The following ATP13A2 variants were observed in gnomAD, a reference collection of about 807,000 sequenced individuals.
ATP13A2 encodes the protein ATPase cation transporting 13A2.
Under a neutral mutation model 138.3 loss-of-function variants are expected in ATP13A2, and 83 were observed. The ratio of observed to expected loss-of-function variants is 0.60; its 90% CI spans 0.50 to 0.72. The LOEUF is 0.72. Ranked by LOEUF, ATP13A2 falls within the 30% of genes least tolerant of loss-of-function variation. ATP13A2 has a pLI of 0.00. For synonymous variants in ATP13A2, 663 were observed against 699.0 expected (o/e 0.95, Z 0.81); for missense variants, 1,402 against 1,606.4 (o/e 0.87, Z 2.17).
rs369704217 is a variant in ATP13A2 at position 17,004,299 on chromosome 1, G to A, written c.557+33C>T. 1.9e-6 allele frequency: 3 copies of A among 1,605,694 alleles called. No individual in the cohort carries two copies. Among genetic ancestry groups the A allele is most frequent in the African/African-American group, 2.7e-5 (2 of 74,772 alleles). On this transcript the variant is annotated intron_variant, in intron 6 of 28. Transcript: ENST00000326735. This position sits in a 1 kb window ranked among gnomAD's most constrained non-coding sequence, Gnocchi z 4.1. Reference sequence around the variant, plus strand: ...TGCCCAAACCAGTGCCACTCTGGGAGGTGACATGAGCCACACAGGCCCTGA... The same window carrying A: ...TGCCCAAACCAGTGCCACTCTGGGAAGTGACATGAGCCACACAGGCCCTGA...
At chr1:17,002,528 C>T (rs2077399408) in intron 6 of ATP13A2, among the ~76,000 whole-genome samples, 155 bp from the exon 7 acceptor site, 1 of 152,256 alleles carries the variant, frequency 6.6e-6, no homozygotes, top group South Asian at 2.1e-4. Flanking sequence ...GAACCCAAGG[C>T]TTGGCTTTGC....
chr1:17,002,398 G>A lies in ATP13A2; in HGVS notation c.558-25C>T, dbSNP rs202051630. On this transcript the variant is annotated intron_variant, in intron 6 of 28. Coordinates refer to ENST00000326735, the MANE Select transcript of ATP13A2 (RefSeq NM_022089.4). ...GCTGGGGGTGGGTGCGAGGGGACAC[G>A]CATGGGCCATGGGGCCTGAGGTCTG... The A allele has an allele frequency of 4.8e-5, 77 of 1,608,514 alleles. 2 individuals carry two copies. The East Asian group carries it at 5.4e-4, about 11-fold the overall frequency.
In ATP13A2 at chr1:16,996,052, C is replaced by A. The variant is rs760567858; in HGVS notation, c.1466G>T (p.Arg489Leu). Reference protein sequence around the residue: ...VCTLYAQSRLRRQGIFCIHPL... With the variant: ...VCTLYAQSRLLRQGIFCIHPL... ...GTGGATGCAGAAAATGCCCTGTCTCCGCAGTCGGCTCTGGGCGTAGAGCGT... is the reference window on the plus strand; with the variant it reads ...GTGGATGCAGAAAATGCCCTGTCTCAGCAGTCGGCTCTGGGCGTAGAGCGT... Residue 489 changes from arginine to leucine, a missense_variant, in exon 15 of 29, where the codon CGG (arginine) becomes CTG (leucine). Arg to Leu is a moderately radical substitution (Grantham distance 102). Transcript: ENST00000326735. 5.6e-6 allele frequency: 9 copies of A among 1,614,098 alleles called. No homozygotes were observed. In the East Asian group the frequency reaches 2.0e-4, roughly 36 times the overall value.
At position 17,005,492 on chromosome 1, in the gene ATP13A2, A is replaced by G; in HGVS notation, c.170T>C (p.Met57Thr). ...GAAGAGCAGCAAAGGGATCCCAGCCATCATCCAGACCACGACGTGATAGCC... is the reference window on the plus strand; with the variant it reads ...GAAGAGCAGCAAAGGGATCCCAGCCGTCATCCAGACCACGACGTGATAGCC... ...VIGYHVVVWM[M>T]AGIPLLLFRW... Residue 57 changes from methionine to threonine, a missense_variant, in exon 3 of 29, where the codon ATG (methionine) becomes ACG (threonine). Met to Thr is a moderately conservative substitution (Grantham distance 81). Coordinates refer to ENST00000326735, the MANE Select transcript of ATP13A2 (RefSeq NM_022089.4). 1.9e-6 allele frequency: 3 copies of G among 1,614,252 alleles called. No individual in the cohort carries two copies. The highest frequency in any genetic ancestry group is 2.5e-6 in the Non-Finnish European group (3 of 1,180,054).
At chr1:17,001,542 G>C (rs2077357376) in intron 8 of ATP13A2, among the ~76,000 whole-genome samples, 1 of 152,206 alleles carries the variant, frequency 6.6e-6, no homozygotes, top group Non-Finnish European at 1.5e-5. Context: ...CCCGATCAGA[G>C]GGCTGGGATG....
At chr1:17,010,068 T>G (rs1437548772) in intron 1 of ATP13A2, among the ~76,000 whole-genome samples, 2 of 152,020 alleles carry the variant, frequency 1.3e-5, no homozygotes, top group Non-Finnish European at 2.9e-5. Flanking sequence ...TGCTCTTTTT[T>G]TTGAGATGGA....
In ATP13A2 at chr1:17,011,628, GC is replaced by G; in HGVS notation, c.10+100del. The G allele has an allele frequency of 7.3e-7, 1 of 1,363,858 alleles. No homozygotes were observed. The highest frequency in any genetic ancestry group is 9.5e-7 in the Non-Finnish European group (1 of 1,050,818). The allele number at this position is 1,363,858 out of a possible 1,614,324, so 84.5% of individuals were successfully genotyped here. On this transcript the variant is annotated intron_variant, in intron 1 of 28. Coordinates refer to ENST00000326735, the MANE Select transcript of ATP13A2 (RefSeq NM_022089.4). The surrounding 1 kb of genome is among the most constrained non-coding windows in gnomAD (Gnocchi z 7.3). ...TCCCGCTTCCTGGGCTCGCGACCCCGCGGTGGGGGGCGTCGCCTCCCCTCTC... is the reference window on the plus strand; with the variant it reads ...TCCCGCTTCCTGGGCTCGCGACCCCGGGTGGGGGGCGTCGCCTCCCCTCTC...
chr1:17,001,970 G>C (rs759282256), intron 8 of ATP13A2, 64 bp downstream of exon 8: 2 of 1,530,868 alleles, frequency 1.3e-6, no homozygotes, highest in African/African-American at 2.7e-5. Context: ...GAGGAGGCAA[G>C]CCCTGGGCCA....
Position 16,986,675 on chromosome 1 carries a change from G to A in ATP13A2, c.3236-43C>T, listed in dbSNP as rs757860911. The A allele has an allele frequency of 7.6e-6, 12 of 1,576,506 alleles. No homozygotes were observed. Among genetic ancestry groups the A allele is most frequent in the South Asian group, 2.3e-5 (2 of 88,230 alleles). On this transcript the variant is annotated intron_variant, in intron 27 of 28. Coordinates refer to ENST00000326735, the MANE Select transcript of ATP13A2 (RefSeq NM_022089.4). This position sits in a 1 kb window ranked among gnomAD's most constrained non-coding sequence, Gnocchi z 6.9. ...TCTCAGGCAGGAGCCACGCCCCCCC[G>A]GCACCCACAGACACACGTGTGCACG...
At chr1:17,005,224 C>G in intron 3 of ATP13A2, 150 bp downstream of exon 3, 1 of 1,449,870 alleles carries the variant, frequency 6.9e-7, no homozygotes, top group Non-Finnish European at 9.5e-7. Context: ...CTGCCCAATG[C>G]TCAGATGGGA....
intron 18 of ATP13A2, 27 bp from the exon 19 acceptor site, chr1:16,992,156 G>A (rs1387408509): frequency 1.2e-6 from 2 of 1,612,134 alleles, no homozygotes; most frequent in Non-Finnish European, 8.5e-7. Context: ...GGTGTCACAA[G>A]GAGGGGATGG....
In ATP13A2 at chr1:16,996,029, G is replaced by A. The variant is rs775269126; in HGVS notation, c.1489C>T (p.His497Tyr). Reference protein sequence around the residue: ...RLRRQGIFCIHPLRINLGGKL... With the variant: ...RLRRQGIFCIYPLRINLGGKL... ...CCCCCCAGGTTGATGCGCAGTGGGT[G>A]GATGCAGAAAATGCCCTGTCTCCGC... Residue 497 changes from histidine (H) to tyrosine (Y), a missense_variant, in exon 15 of 29, where the codon CAC becomes TAC. His to Tyr is a moderately conservative substitution (Grantham distance 83). Coordinates refer to ENST00000326735, the MANE Select transcript of ATP13A2 (RefSeq NM_022089.4). The A allele has an allele frequency of 1.2e-6, 2 of 1,614,080 alleles. No individual in the cohort carries two copies. Among genetic ancestry groups the A allele is most frequent in the South Asian group, 1.1e-5 (1 of 91,088 alleles).
Position 17,000,323 on chromosome 1 carries a change from G to A in ATP13A2, c.841-11C>T. 8.2e-6 allele frequency: 13 copies of A among 1,582,848 alleles called. No individual in the cohort carries two copies. The highest frequency in any genetic ancestry group is 1.0e-5 in the Non-Finnish European group (12 of 1,164,266). ...TAGAGTCTGGCTTTGCTGTGGGCAG[G>A]GGACAAGAGGGCCGTGAGTGGGTGG... On this transcript the variant is annotated splice_polypyrimidine_tract_variant and intron_variant, in intron 9 of 28. Coordinates refer to ENST00000326735, the MANE Select transcript of ATP13A2 (RefSeq NM_022089.4).
intron 11 of ATP13A2, among the ~76,000 whole-genome samples, chr1:16,998,634 A>G (rs2077230415): frequency 6.6e-6 from 1 of 152,142 alleles, no homozygotes; most frequent in South Asian, 2.1e-4. Context: ...AGAAAGAAAT[A>G]CTTGCACACA....
At chr1:16,997,231 C>T in intron 11 of ATP13A2, 56 bp from the exon 12 acceptor site, 2 of 1,606,036 alleles carry the variant, frequency 1.2e-6, no homozygotes, top group African/African-American at 1.3e-5. Context: ...CACCAGCAAA[C>T]CAGGAGTTCT....
rs534246995 is a variant in ATP13A2, at chr1:16,993,466, C to T, written c.1749+163G>A. Among the ~76,000 whole-genome samples, 27 of 152,314 alleles carry T rather than the reference C, an allele frequency of 1.8e-4. No individual in the cohort carries two copies. The South Asian group carries it at 1.9e-3, about 11-fold the overall frequency. ...ATCCTCCCGTCTTGGCCTCCCAAAG[C>T]GCCGGGAGCCACGTTACAGGTGTGA... On this transcript the variant is annotated intron_variant, in intron 16 of 28. Coordinates refer to ENST00000326735, the MANE Select transcript of ATP13A2 (RefSeq NM_022089.4).
Position 16,996,460 on chromosome 1 carries a change from A to G in ATP13A2, c.1232T>C (p.Ile411Thr). 3 of 1,614,086 alleles carry G rather than the reference A, an allele frequency of 1.9e-6. No homozygotes were observed. Among genetic ancestry groups the G allele is most frequent in the Non-Finnish European group, 2.5e-6 (3 of 1,180,012 alleles). ...CTAKGGLVSSILHPRPINFKF... is the reference protein window; with the variant it reads ...CTAKGGLVSSTLHPRPINFKF... The stretch of plus-strand genomic sequence containing the variant: ...GAAGTTGATGGGCCGGGGGTGCAAG[A>G]TGGAGCTCACCAGGCCCCCTTTTGC... The change falls in exon 13 of 29, where the codon ATC becomes ACC. Residue 411 changes from isoleucine to threonine, a missense_variant. Transcript: ENST00000326735.
At chr1:16,997,995 G>A (rs1264637331) in intron 11 of ATP13A2, among the ~76,000 whole-genome samples, 1 of 152,204 alleles carries the variant, frequency 6.6e-6, no homozygotes, top group Non-Finnish European at 1.5e-5. Context: ...GAAGTCCTGG[G>A]CAGGCTGCCT....
chr1:17,000,549 G>A lies in ATP13A2; in HGVS notation c.706-15C>T, dbSNP rs2077316727. ...GGGTTCAGTGCCTGGGGGAGGGGCG[G>A]GAGGCAGCGTCAGGGCCGCGTCCCC... On this transcript the variant is annotated splice_polypyrimidine_tract_variant and intron_variant, in intron 8 of 28. Transcript: ENST00000326735. The A allele has an allele frequency of 6.2e-7, 1 of 1,611,394 alleles. No homozygotes were observed. The highest frequency in any genetic ancestry group is 1.3e-5 in the African/African-American group (1 of 74,846).
Sources: allele counts gnomAD v4.1 joint callset (sites outside exome capture counted in the v4.1 genomes callset), GRCh38; gene constraint gnomAD v4.1.1; non-coding constraint Gnocchi (gnomAD v3.1); transcripts MANE v1.5; gene names NCBI Gene and HGNC (gene_info 2026-07-23, HGNC 2026-07-21).